The following VPS36 variants were observed in gnomAD, a reference collection of about 807,000 sequenced individuals.
VPS36 encodes the protein vacuolar protein-sorting-associated protein 36.
VPS36 carries 31 observed loss-of-function variants against 63.5 expected under a neutral mutation model. The observed-to-expected ratio is 0.49, with a 90% CI of 0.37 to 0.66. VPS36 has a LOEUF of 0.66. Ranked by LOEUF, VPS36 falls within the 30% of genes least tolerant of loss-of-function variation. The probability of loss-of-function intolerance (pLI) is 0.00; values close to 1 mark genes in which losing one functional copy is unlikely to be tolerated. For synonymous variants in VPS36, 138 were observed against 157.2 expected (o/e 0.88, Z 0.91); for missense variants, 338 against 463.7 (o/e 0.73, Z 2.49).
chr13:52,423,678 C>A (rs1426095416), intron 9 of VPS36, 39 bp from the exon 10 acceptor site: 4 of 1,505,190 alleles, frequency 2.7e-6, no homozygotes, highest in Non-Finnish European at 3.7e-6. Context: ...TATTATGTTA[C>A]AATTACACCA....
At chr13:52,435,547 A>C (rs1297224648) in intron 4 of VPS36, among the ~76,000 whole-genome samples, 1 of 152,216 alleles carries the variant, frequency 6.6e-6, no homozygotes, top group Non-Finnish European at 1.5e-5. Flanking sequence ...GCCAGGAAAA[A>C]TATACAACCA....
At chr13:52,447,000 C>G (rs1958350185) in intron 1 of VPS36, among the ~76,000 whole-genome samples, 1 of 151,758 alleles carries the variant, frequency 6.6e-6, no homozygotes. Flanking sequence ...CTCAGCCTCC[C>G]AAGTAGCTGG....
rs1957964456 is a variant in VPS36 at position 52,413,356 on chromosome 13, A to G, written c.*2474T>C. ...CATGTCCCATTGTTTTAAGACAACT[A>G]AAACAGTAAGAGCTCAATGTCATAA... On this transcript the variant is annotated 3_prime_UTR_variant, in exon 14 of 14. Transcript: ENST00000378060. 1.3e-5 allele frequency: 2 copies of G among 152,192 alleles called. No individual in the cohort carries two copies. Among genetic ancestry groups the G allele is most frequent in the Non-Finnish European group, 2.9e-5 (2 of 68,010 alleles). The allele number at this position is 152,192 out of a possible 1,614,324, so 9.4% of individuals were successfully genotyped here.
Position 52,412,818 on chromosome 13 carries a change from C to A in VPS36, c.*3012G>T, listed in dbSNP as rs187549606. Reference sequence around the variant, plus strand: ...CTTCTGCCCTTGCGCAGCTTATACTCTAGATCGTAAGGGATGGGATTAGCA... The same window carrying A: ...CTTCTGCCCTTGCGCAGCTTATACTATAGATCGTAAGGGATGGGATTAGCA... On this transcript the variant is annotated 3_prime_UTR_variant, in exon 14 of 14. Coordinates refer to ENST00000378060, the MANE Select transcript of VPS36 (RefSeq NM_016075.4). 3.7e-4 allele frequency: 56 copies of A among 152,334 alleles called. No individual in the cohort carries two copies. The highest frequency in any genetic ancestry group is 1.3e-3 in the African/African-American group (56 of 41,564). 9.4% of individuals were successfully genotyped at this position (152,334 alleles called of 1,614,324 possible).
chr13:52,422,092 A>C (rs1335721799), intron 10 of VPS36, among the ~76,000 whole-genome samples: 1 of 152,066 alleles, frequency 6.6e-6, no homozygotes, highest in Non-Finnish European at 1.5e-5. Flanking sequence ...GTACCTATTA[A>C]CCAACATTTC....
At chr13:52,431,490 C>A (rs899923896) in intron 6 of VPS36, among the ~76,000 whole-genome samples, 1 of 152,040 alleles carries the variant, frequency 6.6e-6, no homozygotes, top group East Asian at 1.9e-4. Context: ...GCGGTCTGGG[C>A]GCGGTGGCTC....
intron 8 of VPS36, 77 bp from the exon 9 acceptor site, chr13:52,426,143 T>C (rs1218617834): frequency 6.5e-7 from 1 of 1,549,178 alleles, no homozygotes; most frequent in Non-Finnish European, 8.8e-7. Flanking sequence ...CAAATTCAAT[T>C]CCACTCAATT....
chr13:52,441,728 G>A (rs1958278957), intron 2 of VPS36, among the ~76,000 whole-genome samples: 1 of 152,048 alleles, frequency 6.6e-6, no homozygotes. Flanking sequence ...CTCCAGCCTG[G>A]GCGAAAGAGC....
rs1030944070 is a variant in VPS36, at chr13:52,414,327, A to C, written c.*1503T>G. The C allele has an allele frequency of 6.6e-6, 1 of 152,250 alleles. No homozygotes were observed. Among genetic ancestry groups the C allele is most frequent in the Non-Finnish European group, 1.5e-5 (1 of 68,058 alleles). The allele number at this position is 152,250 out of a possible 1,614,324, so 9.4% of individuals were successfully genotyped here. On this transcript the variant is annotated 3_prime_UTR_variant, in exon 14 of 14. Coordinates refer to ENST00000378060, the MANE Select transcript of VPS36 (RefSeq NM_016075.4). ...GGCAGTCAGACACTGAGTTACCCTCAAAATAAACCTGAGGCTGAGCAATGG... is the reference window on the plus strand; with the variant it reads ...GGCAGTCAGACACTGAGTTACCCTCCAAATAAACCTGAGGCTGAGCAATGG...
At position 52,425,977 on chromosome 13, in the gene VPS36, C is replaced by T. The variant is rs148021124; in HGVS notation, c.729G>A (p.Met243Ile). Reference sequence around the variant, plus strand: ...TTCCAGCCAGTTGTTTGGCCAGCTGCATGTGGTACTGTGTGCCTGAGCCGT... The same window carrying T: ...TTCCAGCCAGTTGTTTGGCCAGCTGTATGTGGTACTGTGTGCCTGAGCCGT... ...ETYGSGTQYHMQLAKQLAGIL... is the reference protein window; with the variant it reads ...ETYGSGTQYHIQLAKQLAGIL... Residue 243 changes from methionine to isoleucine, a missense_variant, in exon 9 of 14, where the codon ATG becomes ATA. Coordinates refer to ENST00000378060, the MANE Select transcript of VPS36 (RefSeq NM_016075.4). 1 of 1,614,066 alleles carries T rather than the reference C, an allele frequency of 6.2e-7. No homozygotes were observed. Among genetic ancestry groups the T allele is most frequent in the Non-Finnish European group, 8.5e-7 (1 of 1,179,966 alleles).
intron 8 of VPS36, 136 bp from the exon 9 acceptor site, chr13:52,426,202 A>C: frequency 9.1e-7 from 1 of 1,096,122 alleles, no homozygotes; most frequent in Non-Finnish European, 1.3e-6. Flanking sequence ...GCTGTGAACT[A>C]TAAGGGAGCA....
At chr13:52,427,475 C>T (rs889283005) in intron 6 of VPS36, among the ~76,000 whole-genome samples, 2 of 152,038 alleles carry the variant, frequency 1.3e-5, no homozygotes, top group Admixed American at 6.6e-5. Context: ...GGCGTGGTGG[C>T]GGGCGCCTGT....
intron 12 of VPS36, among the ~76,000 whole-genome samples, chr13:52,416,482 T>C (rs947538894): frequency 6.6e-6 from 1 of 152,194 alleles, no homozygotes; most frequent in Non-Finnish European, 1.5e-5. Context: ...GGTAGAAATA[T>C]CTGTAGTCTT....
chr13:52,443,631 C>T (rs1389475332), intron 1 of VPS36, among the ~76,000 whole-genome samples: 1 of 152,168 alleles, frequency 6.6e-6, no homozygotes, highest in Non-Finnish European at 1.5e-5. Context: ...GCCACCCAGG[C>T]TATGCTATTC....
chr13:52,436,093 G>A (rs1594120614), intron 4 of VPS36, 197 bp downstream of exon 4: 3 of 432,366 alleles, frequency 6.9e-6, no homozygotes, highest in Non-Finnish European at 1.2e-5. Context: ...CATTCCCACT[G>A]AAACCTAAAC....
In VPS36 at chr13:52,412,822, A is replaced by T. The variant is rs1246062376; in HGVS notation, c.*3008T>A. 2 of 152,274 alleles carry T rather than the reference A, an allele frequency of 1.3e-5. No individual in the cohort carries two copies. The highest frequency in any genetic ancestry group is 2.4e-5 in the African/African-American group (1 of 41,460). The allele number at this position is 152,274 out of a possible 1,614,324, so 9.4% of individuals were successfully genotyped here. On this transcript the variant is annotated 3_prime_UTR_variant, in exon 14 of 14. Transcript: ENST00000378060. ...TGCCCTTGCGCAGCTTATACTCTAGATCGTAAGGGATGGGATTAGCAATAA... is the reference window on the plus strand; with the variant it reads ...TGCCCTTGCGCAGCTTATACTCTAGTTCGTAAGGGATGGGATTAGCAATAA...
rs377083550 is a variant in VPS36, at chr13:52,446,759, T to C, written c.96+3740A>G. Among the ~76,000 whole-genome samples, 6 of 152,294 alleles carry C rather than the reference T, an allele frequency of 3.9e-5. No individual in the cohort carries two copies. In the East Asian group the frequency reaches 9.6e-4, roughly 24 times the overall value. On this transcript the variant is annotated intron_variant, in intron 1 of 13. Coordinates refer to ENST00000378060, the MANE Select transcript of VPS36 (RefSeq NM_016075.4). Reference sequence around the variant, plus strand: ...ATGTATATATACACAGATGTTTATGTATACATATATAACCTTTAAATAGAA... The same window carrying C: ...ATGTATATATACACAGATGTTTATGCATACATATATAACCTTTAAATAGAA...
At chr13:52,420,300 GT>G (rs1309300697) in intron 10 of VPS36, among the ~76,000 whole-genome samples, 3 of 151,422 alleles carry the variant, frequency 2.0e-5, no homozygotes, top group South Asian at 2.1e-4. Flanking sequence ...GGAAACCATA[GT>G]TAACAATAAT....
At chr13:52,420,801 T>C (rs778395607) in intron 10 of VPS36, among the ~76,000 whole-genome samples, 2 of 152,190 alleles carry the variant, frequency 1.3e-5, no homozygotes, top group African/African-American at 4.8e-5. Context: ...ACAACTATTA[T>C]GTATCCATAA....
Sources: gnomAD v4.1 joint callset for allele counts (sites outside exome capture counted in the v4.1 genomes callset) on GRCh38, gnomAD v4.1.1 for gene constraint, MANE v1.5 for transcripts, NCBI Gene and HGNC (gene_info 2026-07-23, HGNC 2026-07-21) for gene names.